DNMT3A: variants seen among roughly 807,000 people sequenced by gnomAD.
DNMT3A encodes the protein DNA (cytosine-5)-methyltransferase 3A.
In DNMT3A, 267 loss-of-function variants were observed where a neutral mutation model predicts 117.6. That is an observed-to-expected ratio of 2.27 (90% CI 2.05 to 2.51). DNMT3A has a LOEUF of 2.51. Among genes scored for constraint, DNMT3A ranks in the 30% most tolerant of loss-of-function variants. The pLI is 0.00. For missense variants in DNMT3A, 1,029 were observed against 1,260.2 expected (o/e 0.82, Z 2.78); for synonymous variants, 432 against 474.8 (o/e 0.91, Z 1.17).
At position 25,281,506 on chromosome 2, in the gene DNMT3A, T is replaced by G; in HGVS notation, c.448+935A>C. ...TTCTCTATCCTGCATGAACATTAGG[T>G]TGGATCCATGCAAAATAAGTTACGC... On this transcript the variant is annotated intron_variant, in intron 4 of 22. Transcript: ENST00000321117. This position sits in a 1 kb window ranked among gnomAD's most constrained non-coding sequence, Gnocchi z 4.8. 1 of 1,056,868 alleles carries G rather than the reference T, an allele frequency of 9.5e-7. No individual in the cohort carries two copies. Among genetic ancestry groups the G allele is most frequent in the Non-Finnish European group, 1.1e-6 (1 of 873,866 alleles). The allele number at this position is 1,056,868 out of a possible 1,614,324, so 65.5% of individuals were successfully genotyped here. A position where few individuals can be genotyped will look rare whatever the true frequency, so the allele number is the denominator to read the frequency against.
intron 6 of DNMT3A, among the ~76,000 whole-genome samples, chr2:25,266,306 G>T (rs776659296): frequency 1.3e-5 from 2 of 152,190 alleles, no homozygotes; most frequent in Admixed American, 1.3e-4. Flanking sequence ...GCTGCAAAAG[G>T]TCAGGTAGGG....
chr2:25,235,803 G>GT lies in DNMT3A; in HGVS notation c.2500dup (p.Thr834AsnfsTer21). On this transcript the variant is annotated frameshift_variant, in exon 22 of 23. Transcript: ENST00000321117. LOFTEE classifies it high-confidence loss of function. Reference sequence around the variant, plus strand: ...CTGCTTTATGGAGTTTGACCTCGTAGTAATGGTCCTCACTTTGCTGAACTA... The same window carrying GT: ...CTGCTTTATGGAGTTTGACCTCGTAGTTAATGGTCCTCACTTTGCTGAACTA... 6.2e-7 allele frequency: 1 copy of GT among 1,614,058 alleles called. No individual in the cohort carries two copies. Among genetic ancestry groups the GT allele is most frequent in the Non-Finnish European group, 8.5e-7 (1 of 1,179,974 alleles).
chr2:25,244,048 G>A, intron 15 of DNMT3A, 66 bp from the exon 16 acceptor site: 3 of 1,570,730 alleles, frequency 1.9e-6, no homozygotes, highest in Non-Finnish European at 1.7e-6. Context: ...CCCAGCGCTG[G>A]CCCTCCAGCC....
chr2:25,314,267 C>T (rs1238786668), intron 1 of DNMT3A, 106 bp from the exon 2 acceptor site: 2 of 1,287,384 alleles, frequency 1.6e-6, no homozygotes, highest in African/African-American at 3.1e-5. Flanking sequence ...GGTGTTGCTC[C>T]TCCTTCTGGC....
chr2:25,272,371 G>T (rs995915491), intron 6 of DNMT3A, among the ~76,000 whole-genome samples: 1 of 152,202 alleles, frequency 6.6e-6, no homozygotes, highest in Non-Finnish European at 1.5e-5. Context: ...GTTGAGGAAA[G>T]AACCCTTTTT....
At chr2:25,328,896 CA>C (rs1204135267) in intron 1 of DNMT3A, among the ~76,000 whole-genome samples, 2 of 152,172 alleles carry the variant, frequency 1.3e-5, no homozygotes, top group African/African-American at 2.4e-5. Flanking sequence ...CCACAGGAAT[CA>C]GGGGGGCTGA....
In DNMT3A at chr2:25,233,778, C is replaced by CCA. The variant is rs1558649737; in HGVS notation, c.*500_*501insTG. 3 of 150,888 alleles carry CCA rather than the reference C, an allele frequency of 2.0e-5. No homozygotes were observed. The highest frequency in any genetic ancestry group is 3.5e-5 in the African/African-American group (1 of 28,288). 9.3% of individuals were successfully genotyped at this position (150,888 alleles called of 1,614,324 possible). On this transcript the variant is annotated 3_prime_UTR_variant, in exon 23 of 23. Transcript: ENST00000321117. ...AAGATATATAGTAAAAAAAAAAACC[C>CCA]AAAAAAAAAAAACAAAAAACAAAAA...
chr2:25,323,296 G>C (rs1185983336), intron 1 of DNMT3A, among the ~76,000 whole-genome samples: 1 of 152,190 alleles, frequency 6.6e-6, no homozygotes, highest in Non-Finnish European at 1.5e-5. Flanking sequence ...TGTAGTCACT[G>C]TCTGGGCCCC....
At chr2:25,288,501 G>T (rs1038661683) in intron 3 of DNMT3A, among the ~76,000 whole-genome samples, 1 of 151,892 alleles carries the variant, frequency 6.6e-6, no homozygotes, top group Non-Finnish European at 1.5e-5. Flanking sequence ...TAGTAGAGAT[G>T]GGATTTCACC....
In DNMT3A at chr2:25,237,494, G is replaced by A. The variant is rs114568253; in HGVS notation, c.2409-489C>T. ...TAAAAGACTAAATTCTGGGCCAGGCGCAGTGGCTCATGCCTGCAATCCCAG... is the reference window on the plus strand; with the variant it reads ...TAAAAGACTAAATTCTGGGCCAGGCACAGTGGCTCATGCCTGCAATCCCAG... On this transcript the variant is annotated intron_variant, in intron 20 of 22. Transcript: ENST00000321117. This position sits in a 1 kb window ranked among gnomAD's most constrained non-coding sequence, Gnocchi z 5.4. Among the ~76,000 whole-genome samples, 5,723 of 152,298 alleles carry A rather than the reference G, an allele frequency of 0.038. 220 individuals are homozygous for A. Among genetic ancestry groups the A allele is most frequent in the South Asian group, 0.18 (880 of 4,830 alleles).
intron 3 of DNMT3A, among the ~76,000 whole-genome samples, chr2:25,292,917 A>T (rs1394038120): frequency 6.6e-6 from 1 of 152,104 alleles, no homozygotes; most frequent in Non-Finnish European, 1.5e-5. Flanking sequence ...GGCCCCAGGA[A>T]GGCCACCAAG....
chr2:25,272,017 C>T (rs1197468725), intron 6 of DNMT3A, among the ~76,000 whole-genome samples: 3 of 152,162 alleles, frequency 2.0e-5, no homozygotes, highest in Non-Finnish European at 4.4e-5. Context: ...GACAGAGTCT[C>T]GTTCTGTCAC....
chr2:25,306,004 G>T lies in DNMT3A; in HGVS notation c.73-5761C>A, dbSNP rs1307740504. Among the ~76,000 whole-genome samples, 1 of 152,192 alleles carries T rather than the reference G, an allele frequency of 6.6e-6. No homozygotes were observed. The highest frequency in any genetic ancestry group is 2.4e-5 in the African/African-American group (1 of 41,440). On this transcript the variant is annotated intron_variant, in intron 2 of 22. Coordinates refer to ENST00000321117, the MANE Select transcript of DNMT3A (RefSeq NM_022552.5). This position sits in a 1 kb window ranked among gnomAD's most constrained non-coding sequence, Gnocchi z 4.1. ...GCCAGCTACTTGCCCGGGCCCCCTG[G>T]GACAAGAAGCATGCCCAGCCTTTGC...
chr2:25,262,188 C>CAAA (rs533414494), intron 6 of DNMT3A, among the ~76,000 whole-genome samples: 7 of 93,688 alleles, frequency 7.5e-5, no homozygotes, highest in Admixed American at 2.4e-4. Flanking sequence ...GACTCCGTCT[C>CAAA]AAAAAAAAAA....
At chr2:25,300,741 AT>A (rs1253331213) in intron 2 of DNMT3A, among the ~76,000 whole-genome samples, 12 of 45,890 alleles carry the variant, frequency 2.6e-4, no homozygotes, top group South Asian at 7.3e-4. Flanking sequence ...ATATATATAT[AT>A]ATATATATAT....
In DNMT3A at chr2:25,246,676, T is replaced by C; in HGVS notation, c.1223A>G (p.Glu408Gly). Residue 408 changes from glutamate (E) to glycine (G), a missense_variant, in exon 10 of 23, where the codon GAA (glutamate) becomes GGA (glycine). Physicochemically the swap from Glu to Gly is moderately conservative, Grantham distance 98. Transcript: ENST00000321117. The part of the protein sequence containing the change: ...AVEVQNKPMI[E>G]WALGGFQPSG... ...AGGCTGGAAGCCCCCCAGGGCCCAT[T>C]CAATCATGGGCTTGTTCTGCACCTC... 1 of 1,613,678 alleles carries C rather than the reference T, an allele frequency of 6.2e-7. No homozygotes were observed. Among genetic ancestry groups the C allele is most frequent in the Non-Finnish European group, 8.5e-7 (1 of 1,180,000 alleles).
chr2:25,319,669 T>C lies in DNMT3A; in HGVS notation c.-177-5508A>G, dbSNP rs551541235. Among the ~76,000 whole-genome samples, 11 of 152,258 alleles carry C rather than the reference T, an allele frequency of 7.2e-5. No individual in the cohort carries two copies. In the East Asian group the frequency reaches 2.1e-3, roughly 29 times the overall value. ...CACGAGTGCCGTCATCACCATGCCC[T>C]CTGCTGTCGAACTGTCTTTTTACCT... On this transcript the variant is annotated intron_variant, in intron 1 of 22. Transcript: ENST00000321117.
At chr2:25,264,608 G>A (rs2030105981) in intron 6 of DNMT3A, among the ~76,000 whole-genome samples, 3 of 151,532 alleles carry the variant, frequency 2.0e-5, no homozygotes, top group Admixed American at 6.6e-5. Context: ...GCTGGGAGGT[G>A]CCTGCCACCA....
intron 6 of DNMT3A, 57 bp from the exon 7 acceptor site, chr2:25,248,309 C>A (rs1675108168): frequency 6.3e-7 from 1 of 1,578,660 alleles, no homozygotes; most frequent in African/African-American, 1.4e-5. Context: ...AGCAAGGCCA[C>A]CTGACACTCA....
Sources: allele counts gnomAD v4.1 joint callset (sites outside exome capture counted in the v4.1 genomes callset), GRCh38; gene constraint gnomAD v4.1.1; non-coding constraint Gnocchi (gnomAD v3.1); transcripts MANE v1.5; gene names NCBI Gene and HGNC (gene_info 2026-07-23, HGNC 2026-07-21).